FAM156A: variants seen among roughly 807,000 people sequenced by gnomAD.
The protein encoded by FAM156A is family with sequence similarity 156 member A, also known as protein FAM156A/FAM156B.
intron 1 of FAM156A, among the ~76,000 whole-genome samples, chrX:52,994,687 C>T (rs146569497): frequency 9.0e-6 from 1 of 111,457 alleles, no homozygotes; most frequent in East Asian, 2.8e-4. Flanking sequence ...AGAAGATGCA[C>T]ACCCAGGCCA....
At chrX:52,981,462 T>G (rs782301194) in intron 1 of FAM156A, among the ~76,000 whole-genome samples, 1 of 111,440 alleles carries the variant, frequency 9.0e-6, no homozygotes, top group African/African-American at 3.3e-5. Flanking sequence ...GACTTTACCC[T>G]TGTTAGGGCA....
intron 1 of FAM156A, among the ~76,000 whole-genome samples, chrX:52,990,797 G>GAAATAAAAGAAAAGA: frequency 1.4e-5 from 1 of 69,594 alleles, no homozygotes; most frequent in South Asian, 9.3e-4. Flanking sequence ...GAAAAGAAAA[G>GAAATAAAAGAAAAGA]AAAGAAAAGA....
intron 1 of FAM156A, among the ~76,000 whole-genome samples, chrX:52,994,307 A>T (rs781993741): frequency 1.8e-5 from 2 of 109,232 alleles, no homozygotes; most frequent in East Asian, 5.8e-4. Flanking sequence ...CAAAGTTCTC[A>T]CTCCTGGGAA....
intron 1 of FAM156A, among the ~76,000 whole-genome samples, chrX:52,994,367 C>G (rs1326006866): frequency 9.0e-5 from 10 of 110,526 alleles, no homozygotes; most frequent in African/African-American, 3.3e-4. Context: ...AGACCCCCCC[C>G]AAACCACTCA....
At chrX:52,974,619 G>A (rs1929305414) in intron 1 of FAM156A, among the ~76,000 whole-genome samples, 1 of 111,238 alleles carries the variant, frequency 9.0e-6, no homozygotes, top group Admixed American at 9.6e-5. Flanking sequence ...AGACGATGAT[G>A]GACTAATGAC....
At chrX:52,988,756 G>T (rs1322442023) in intron 1 of FAM156A, among the ~76,000 whole-genome samples, 1 of 112,313 alleles carries the variant, frequency 8.9e-6, no homozygotes, top group African/African-American at 3.2e-5. Context: ...GTCACCTAAT[G>T]TTATGTCTCT....
rs782350839 is a variant in FAM156A, at chrX:52,988,446, G to A, written c.-434+6860C>T. 1.3e-4 allele frequency among the ~76,000 whole-genome samples: 14 copies of A among 110,422 alleles called. No homozygotes were observed. The East Asian group carries it at 4.0e-3, about 31-fold the overall frequency. On this transcript the variant is annotated intron_variant, in intron 1 of 4. Coordinates refer to the FAM156A transcript ENST00000610625. ...GTGGGAGAAGGAAGTGACTATACAA[G>A]GGCAGCACAAGGAACCCAGGAAGTT...
At chrX:52,974,860 G>A (rs1245600291) in intron 1 of FAM156A, among the ~76,000 whole-genome samples, 1 of 110,069 alleles carries the variant, frequency 9.1e-6, no homozygotes, top group Non-Finnish European at 1.9e-5. Context: ...CTCGGGGCTG[G>A]GTTCCGAAAG....
At chrX:52,990,793 AAAAG>A (rs1253629399) in intron 1 of FAM156A, among the ~76,000 whole-genome samples, 4 of 80,341 alleles carry the variant, frequency 5.0e-5, no homozygotes, top group African/African-American at 9.4e-5. Context: ...AAAAGAAAAG[AAAAG>A]AAAGAAAAGA....
At chrX:52,981,824 C>A (rs1929935594) in intron 1 of FAM156A, among the ~76,000 whole-genome samples, 1 of 100,988 alleles carries the variant, frequency 9.9e-6, no homozygotes, top group Non-Finnish European at 2.0e-5. Flanking sequence ...GAATGAGGAG[C>A]TTTTTTTTTT....
intron 1 of FAM156A, among the ~76,000 whole-genome samples, chrX:52,980,782 CTGTG>C (rs1156303085): frequency 0.1 from 3,957 of 38,305 alleles, 244 homozygotes; most frequent in Middle Eastern, 0.12. Flanking sequence ...TAGGGTTCCT[CTGTG>C]TGTGTGTGTG....
chrX:52,980,364 C>T (rs1332362872), intron 1 of FAM156A, among the ~76,000 whole-genome samples: 13 of 111,726 alleles, frequency 1.2e-4, no homozygotes, highest in African/African-American at 2.6e-4. Context: ...GAAAATCAAG[C>T]GGGAGATGTT....
intron 1 of FAM156A, among the ~76,000 whole-genome samples, chrX:52,987,392 G>A (rs1218274479): frequency 2.7e-5 from 3 of 111,763 alleles, no homozygotes; most frequent in East Asian, 2.8e-4. Context: ...TTGGGAAGCC[G>A]AGGCAGGATG....
At chrX:52,990,797 GAAAGAAAAGAAAAGAAAAGA>G (rs782744600) in intron 1 of FAM156A, among the ~76,000 whole-genome samples, 821 of 69,594 alleles carry the variant, frequency 0.012, 11 homozygotes, top group African/African-American at 0.044. Flanking sequence ...GAAAAGAAAA[GAAAGAAAAGAAAAGAAAAGA>G]AAAGAAAAGA....
intron 1 of FAM156A, among the ~76,000 whole-genome samples, chrX:52,990,170 A>G (rs1439975614): frequency 9.1e-6 from 1 of 110,460 alleles, no homozygotes; most frequent in Non-Finnish European, 1.9e-5. Context: ...AATGTTTAAG[A>G]CTGTTCCTCT....
chrX:52,983,012 G>A (rs1556793697), intron 1 of FAM156A, among the ~76,000 whole-genome samples: 1 of 112,659 alleles, frequency 8.9e-6, no homozygotes, highest in Non-Finnish European at 1.9e-5. Flanking sequence ...AGGTTCACTG[G>A]AAATGACTAA....
At chrX:52,982,193 C>T (rs1354650218) in intron 1 of FAM156A, among the ~76,000 whole-genome samples, 1 of 112,230 alleles carries the variant, frequency 8.9e-6, no homozygotes, top group Non-Finnish European at 1.9e-5. Flanking sequence ...GTGGCTCATG[C>T]CTGTAATCTC....
chrX:52,994,811 CAAAATAA>C (rs1172609473), intron 1 of FAM156A, among the ~76,000 whole-genome samples: 1 of 110,498 alleles, frequency 9.0e-6, no homozygotes, highest in Non-Finnish European at 1.9e-5. Context: ...TCCATATCTA[CAAAATAA>C]AAAATAAAAA....
intron 1 of FAM156A, among the ~76,000 whole-genome samples, chrX:52,984,731 T>C (rs1219773789): frequency 2.7e-5 from 3 of 110,644 alleles, no homozygotes; most frequent in African/African-American, 9.9e-5. Flanking sequence ...TAGCCAGGTG[T>C]GGTGGCACAT....
Sources: allele counts gnomAD v4.1 joint callset (sites outside exome capture counted in the v4.1 genomes callset), GRCh38; gene constraint gnomAD v4.1.1; transcripts MANE v1.5; gene names NCBI Gene and HGNC (gene_info 2026-07-23, HGNC 2026-07-21).